The following CNST variants were observed in gnomAD, a reference collection of about 807,000 sequenced individuals.
The protein encoded by CNST is consortin.
In CNST, 39 loss-of-function variants were observed where a neutral mutation model predicts 72.4. The observed-to-expected ratio is 0.54, with a 90% CI of 0.42 to 0.70. CNST has a LOEUF of 0.70. Ranked by LOEUF, CNST falls within the 30% of genes least tolerant of loss-of-function variation. The pLI is 0.00. For missense variants in CNST, 871 were observed against 868.5 expected (o/e 1.00, Z -0.04); for synonymous variants, 332 against 320.1 (o/e 1.04, Z -0.40).
intron 2 of CNST, among the ~76,000 whole-genome samples, chr1:246,609,847 T>A (rs1029969551): frequency 1.3e-5 from 2 of 152,246 alleles, no homozygotes; most frequent in Non-Finnish European, 2.9e-5. Context: ...TGAAGACATT[T>A]TTTTCTGTAC....
intron 2 of CNST, among the ~76,000 whole-genome samples, chr1:246,611,205 G>A (rs1486282923): frequency 6.6e-6 from 1 of 152,164 alleles, no homozygotes. Context: ...TGAGGTAAGG[G>A]CAAGTAAAAA....
rs774267182 is a variant in CNST at position 246,647,594 on chromosome 1, C to T, written c.1393C>T (p.Arg465Trp). 1.9e-6 allele frequency: 3 copies of T among 1,614,150 alleles called. No individual in the cohort carries two copies. The highest frequency in any genetic ancestry group is 1.7e-6 in the Non-Finnish European group (2 of 1,180,034). Residue 465 changes from arginine to tryptophan, a missense_variant, in exon 9 of 11, where the codon CGG becomes TGG. Arg to Trp is a moderately radical substitution (Grantham distance 101). Coordinates refer to ENST00000366513, the MANE Select transcript of CNST (RefSeq NM_152609.3). ...GAGGAAAGAACTCCGTTTGCCACTT[C>T]GGGATGCTTCTGAGGCGTTGCCCAC... ...AQRKELRLPL[R>W]DASEALPTDQ...
At chr1:246,661,479 T>A (rs1451664308) in intron 10 of CNST, among the ~76,000 whole-genome samples, 2 of 152,220 alleles carry the variant, frequency 1.3e-5, no homozygotes, top group Non-Finnish European at 2.9e-5. Flanking sequence ...TTATGAATAT[T>A]CTCTTCAGTG....
intron 8 of CNST, among the ~76,000 whole-genome samples, chr1:246,643,043 G>A (rs543444022): frequency 3.3e-5 from 5 of 149,934 alleles, no homozygotes; most frequent in African/African-American, 1.2e-4. Context: ...CACACACCAC[G>A]GCGCCCCAGT....
At chr1:246,646,584 A>C (rs1353715070) in intron 8 of CNST, among the ~76,000 whole-genome samples, 12 of 152,078 alleles carry the variant, frequency 7.9e-5, no homozygotes, top group African/African-American at 2.9e-4. Flanking sequence ...GGGTTCAAGC[A>C]ATTCTCTTGC....
intron 9 of CNST, among the ~76,000 whole-genome samples, chr1:246,649,156 G>GTTTTTT (rs767552283): frequency 1.4e-5 from 1 of 73,790 alleles, no homozygotes; most frequent in South Asian, 5.9e-4. Flanking sequence ...ACAGACTGTT[G>GTTTTTT]TTTTGTTTTT....
At position 246,645,915 on chromosome 1, in the gene CNST, A is replaced by T. The variant is rs182886663; in HGVS notation, c.938-1224A>T. On this transcript the variant is annotated intron_variant, in intron 8 of 10. Transcript: ENST00000366513. ...TTACTCAAAGTAGAAATTGAAAGAG[A>T]TGTCAGAATTCAAACCCATTTCTAC... 1.5e-4 allele frequency among the ~76,000 whole-genome samples: 23 copies of T among 152,282 alleles called. No homozygotes were observed. The East Asian group carries it at 4.4e-3, about 29-fold the overall frequency.
chr1:246,641,621 A>G (rs1049916195), intron 6 of CNST, 128 bp from the exon 7 acceptor site: 2 of 629,646 alleles, frequency 3.2e-6, no homozygotes, highest in Non-Finnish European at 2.8e-6. Flanking sequence ...AGCCGTGGAA[A>G]TGTTCTGTGC....
At chr1:246,665,087 G>A (rs74467652) in intron 10 of CNST, among the ~76,000 whole-genome samples, 9,074 of 152,120 alleles carry the variant, frequency 0.06, 836 homozygotes, top group African/African-American at 0.2. Context: ...TAATGCTGTC[G>A]GGGTGGGCAT....
At position 246,585,718 on chromosome 1, in the gene CNST, A is replaced by G. The variant is rs144488581; in HGVS notation, c.-51-5794A>G. ...ACACACACACACACACACACTATAT[A>G]TGTATACAGCATAAGTGCATATGAT... On this transcript the variant is annotated intron_variant, in intron 1 of 10. Transcript: ENST00000366513. 4.7e-5 allele frequency among the ~76,000 whole-genome samples: 7 copies of G among 149,736 alleles called. No individual in the cohort carries two copies. In the East Asian group the frequency reaches 1.4e-3, roughly 30 times the overall value.
intron 3 of CNST, among the ~76,000 whole-genome samples, chr1:246,626,682 C>G (rs1664460658): frequency 6.6e-6 from 1 of 151,968 alleles, no homozygotes; most frequent in African/African-American, 2.4e-5. Flanking sequence ...GTCTCAAACT[C>G]CTGACCTCAG....
chr1:246,624,952 C>A (rs528096084), intron 3 of CNST, among the ~76,000 whole-genome samples: 13 of 152,284 alleles, frequency 8.5e-5, no homozygotes, highest in Non-Finnish European at 1.9e-4. Flanking sequence ...CCACGCCTGG[C>A]CTTTTTGCTC....
At chr1:246,604,822 C>T (rs1662593034) in intron 2 of CNST, among the ~76,000 whole-genome samples, 1 of 151,800 alleles carries the variant, frequency 6.6e-6, no homozygotes, top group Non-Finnish European at 1.5e-5. Flanking sequence ...GCATGCACCA[C>T]CATGCCTGGC....
chr1:246,631,767 T>TA, intron 3 of CNST, 127 bp from the exon 4 acceptor site: 2 of 719,894 alleles, frequency 2.8e-6, no homozygotes, highest in East Asian at 2.6e-5. Context: ...GAATGTAGTT[T>TA]AAAAAAAGAG....
chr1:246,645,582 C>T (rs375213493), intron 8 of CNST, among the ~76,000 whole-genome samples: 15 of 151,930 alleles, frequency 9.9e-5, no homozygotes, highest in Admixed American at 2.0e-4. Flanking sequence ...CGCCCGCCAC[C>T]GCGCCCGGCT....
chr1:246,628,597 G>GT (rs534080191), intron 3 of CNST, among the ~76,000 whole-genome samples: 60 of 152,292 alleles, frequency 3.9e-4, no homozygotes, highest in Non-Finnish European at 6.9e-4. Flanking sequence ...AGCTTTAAAT[G>GT]TTTAACTGAA....
At chr1:246,613,874 T>TA (rs1292752562) in intron 2 of CNST, among the ~76,000 whole-genome samples, 1 of 150,322 alleles carries the variant, frequency 6.7e-6, no homozygotes. Flanking sequence ...TTTGTATTTT[T>TA]AGTATAGATA....
intron 1 of CNST, among the ~76,000 whole-genome samples, chr1:246,573,374 A>G (rs889709721): frequency 6.6e-6 from 1 of 152,244 alleles, no homozygotes; most frequent in Non-Finnish European, 1.5e-5. Flanking sequence ...TTGTTTTAAA[A>G]TTAATCTGTT....
intron 10 of CNST, among the ~76,000 whole-genome samples, chr1:246,663,066 G>A (rs1667194187): frequency 6.6e-6 from 1 of 152,188 alleles, no homozygotes; most frequent in Non-Finnish European, 1.5e-5. Context: ...CGTAAGGCAT[G>A]GTGCAGTGGC....
Sources: gnomAD v4.1 joint callset for allele counts (sites outside exome capture counted in the v4.1 genomes callset) on GRCh38, gnomAD v4.1.1 for gene constraint, MANE v1.5 for transcripts, NCBI Gene and HGNC (gene_info 2026-07-23, HGNC 2026-07-21) for gene names.